The following LARP1B variants were observed in gnomAD, a reference collection of about 807,000 sequenced individuals.
LARP1B encodes the protein la-related protein 1B.
Under a neutral mutation model 114.2 loss-of-function variants are expected in LARP1B, and 76 were observed. The ratio of observed to expected loss-of-function variants is 0.67; its 90% CI spans 0.55 to 0.81. The LOEUF (loss-of-function observed/expected upper bound fraction) is 0.81, where lower values mean the gene tolerates loss of function less well. Among genes scored for constraint, LARP1B ranks in the 30% least tolerant of loss-of-function variants. LARP1B has a pLI of 0.00. For missense variants in LARP1B, 1,014 were observed against 1,075.8 expected (o/e 0.94, Z 0.80); for synonymous variants, 345 against 348.0 (o/e 0.99, Z 0.10).
intron 1 of LARP1B, among the ~76,000 whole-genome samples, chr4:128,070,903 G>T (rs1765034979): frequency 6.6e-6 from 1 of 151,896 alleles, no homozygotes; most frequent in Admixed American, 6.6e-5. Flanking sequence ...GTATCTAGAA[G>T]AAACTGAACA....
chr4:128,179,517 T>G lies in LARP1B; in HGVS notation c.2003+5T>G. On this transcript the variant is annotated splice_donor_5th_base_variant and intron_variant, in intron 15 of 19. Coordinates refer to ENST00000326639, the MANE Select transcript of LARP1B (RefSeq NM_018078.4). ...GCCAGGAACATCCTCTGTCAGGTACTATATTTCTCAAACATTACTTTTTTG... is the reference window on the plus strand; with the variant it reads ...GCCAGGAACATCCTCTGTCAGGTACGATATTTCTCAAACATTACTTTTTTG... The G allele has an allele frequency of 1.3e-6, 2 of 1,532,794 alleles. No homozygotes were observed. The highest frequency in any genetic ancestry group is 2.3e-5 in the East Asian group (1 of 43,316). The allele number at this position is 1,532,794 out of a possible 1,614,324, so 94.9% of individuals were successfully genotyped here.
At position 128,199,392 on chromosome 4, in the gene LARP1B, G is replaced by A. The variant is rs552915858; in HGVS notation, c.2004-47G>A. On this transcript the variant is annotated intron_variant, in intron 15 of 19. Coordinates refer to ENST00000326639, the MANE Select transcript of LARP1B (RefSeq NM_018078.4). ...TAGTACAAATTGGTTCATATACTTG[G>A]TTCTTGATTTTTCATTTTGAAGGCT... is the stretch of plus-strand genomic sequence containing the variant. 5.8e-5 allele frequency: 83 copies of A among 1,439,844 alleles called. 1 individual carries two copies. In the South Asian group the frequency reaches 1.2e-3, roughly 21 times the overall value. The allele number at this position is 1,439,844 out of a possible 1,614,324, so 89.2% of individuals were successfully genotyped here.
chr4:128,073,142 C>T (rs1177182148), intron 1 of LARP1B, among the ~76,000 whole-genome samples: 2 of 151,808 alleles, frequency 1.3e-5, no homozygotes, highest in South Asian at 2.1e-4. Flanking sequence ...GGCTGGGCGC[C>T]GTGGCTCATG....
downstream of LARP1B, among the ~76,000 whole-genome samples, chr4:128,216,916 AAAGAG>A (rs1759537151): frequency 3.9e-5 from 6 of 152,340 alleles, no homozygotes; most frequent in South Asian, 1.0e-3. Flanking sequence ...ATAAAGAAAA[AAAGAG>A]AAGAATCAAA....
intron 5 of LARP1B, among the ~76,000 whole-genome samples, chr4:128,090,617 TTTAC>T (rs1775566110): frequency 6.6e-6 from 1 of 152,234 alleles, no homozygotes; most frequent in East Asian, 1.9e-4. Context: ...AGGAATGTCA[TTTAC>T]TTAAATAGAA....
At chr4:128,169,702 T>C (rs899862284) in intron 12 of LARP1B, among the ~76,000 whole-genome samples, 22 of 152,162 alleles carry the variant, frequency 1.4e-4, no homozygotes, top group African/African-American at 4.3e-4. Flanking sequence ...AGTGGTACAA[T>C]CTCGGCTCAC....
chr4:128,187,600 C>A lies in LARP1B; in HGVS notation c.2003+8088C>A, dbSNP rs1750799126. 5.3e-5 allele frequency among the ~76,000 whole-genome samples: 8 copies of A among 152,132 alleles called. No homozygotes were observed. In the South Asian group the frequency reaches 1.5e-3, roughly 28 times the overall value. On this transcript the variant is annotated intron_variant, in intron 15 of 19. Transcript: ENST00000326639. The stretch of plus-strand genomic sequence containing the variant: ...GCCTTGTCTCAAATGAGACTTTGGA[C>A]TTTTGAGTTAATGCTAGAATGAGTT...
At chr4:128,136,749 C>G (rs974140359) in intron 11 of LARP1B, among the ~76,000 whole-genome samples, 1 of 152,104 alleles carries the variant, frequency 6.6e-6, no homozygotes, top group African/African-American at 2.4e-5. Flanking sequence ...TGGAATTAAA[C>G]TGGTGATTTT....
intron 15 of LARP1B, among the ~76,000 whole-genome samples, chr4:128,192,319 C>T (rs1191282948): frequency 6.6e-6 from 1 of 152,114 alleles, no homozygotes; most frequent in African/African-American, 2.4e-5. Flanking sequence ...ATTGAACCAG[C>T]AATATCTCTG....
chr4:128,102,450 C>G (rs753626607), intron 8 of LARP1B, among the ~76,000 whole-genome samples: 1 of 152,156 alleles, frequency 6.6e-6, no homozygotes, highest in South Asian at 2.1e-4. Context: ...TTGATAACTC[C>G]TTTATCTTCA....
intron 10 of LARP1B, among the ~76,000 whole-genome samples, chr4:128,115,188 G>A (rs893005935): frequency 3.0e-4 from 46 of 152,178 alleles, no homozygotes; most frequent in African/African-American, 8.9e-4. Context: ...CGCCCGCCTC[G>A]TCCTCCCAAA....
intron 3 of LARP1B, among the ~76,000 whole-genome samples, chr4:128,075,249 G>A (rs899924842): frequency 3.3e-5 from 5 of 151,624 alleles, no homozygotes; most frequent in Non-Finnish European, 7.4e-5. Flanking sequence ...CTACAGGCAC[G>A]CACCACTGTG....
At chr4:128,134,948 T>A (rs1293102337) in intron 11 of LARP1B, among the ~76,000 whole-genome samples, 1 of 151,736 alleles carries the variant, frequency 6.6e-6, no homozygotes, top group African/African-American at 2.4e-5. Flanking sequence ...CTACTAAAAA[T>A]ACAAAAAATT....
At chr4:128,138,614 A>C (rs1726499041) in intron 11 of LARP1B, among the ~76,000 whole-genome samples, 1 of 152,146 alleles carries the variant, frequency 6.6e-6, no homozygotes, top group South Asian at 2.1e-4. Flanking sequence ...GTACATAAGA[A>C]ATTAGAATTC....
At chr4:128,176,154 TATATAA>T (rs1032249918) in intron 12 of LARP1B, among the ~76,000 whole-genome samples, 1 of 130,814 alleles carries the variant, frequency 7.6e-6, no homozygotes, top group African/African-American at 2.8e-5. Context: ...TTATATTATA[TATATAA>T]ATATATATAT....
intron 11 of LARP1B, among the ~76,000 whole-genome samples, chr4:128,139,097 C>T (rs1726755771): frequency 6.6e-6 from 1 of 151,868 alleles, no homozygotes; most frequent in South Asian, 2.1e-4. Context: ...AGGAAATTCA[C>T]ATTAACGGAT....
upstream of LARP1B, among the ~76,000 whole-genome samples, chr4:128,060,802 G>C (rs916244051): frequency 6.6e-6 from 1 of 152,230 alleles, no homozygotes; most frequent in Admixed American, 6.5e-5. Flanking sequence ...TTTCACCTGG[G>C]GGAGGCGCCG....
rs1755624016 is a variant in LARP1B at position 128,200,556 on chromosome 4, A to G, written c.2200A>G (p.Met734Val). The G allele has an allele frequency of 1.9e-6, 3 of 1,583,728 alleles. No homozygotes were observed. The highest frequency in any genetic ancestry group is 1.8e-5 in the Admixed American group (1 of 55,806). ...CTTGGGAATTGGTCAGTCCCAAGAA[A>G]TGAATACCCTCTTTCGTTTCTGGTC... ...KRLGIGQSQEMNTLFRFWSFF... is the reference protein window; with the variant it reads ...KRLGIGQSQEVNTLFRFWSFF... Residue 734 changes from methionine (M) to valine (V), a missense_variant, in exon 17 of 20, where the codon ATG becomes GTG. Met to Val is a conservative substitution (Grantham distance 21). Transcript: ENST00000326639.
At chr4:128,151,904 A>G (rs1188003446) in intron 11 of LARP1B, among the ~76,000 whole-genome samples, 2 of 152,054 alleles carry the variant, frequency 1.3e-5, no homozygotes, top group Non-Finnish European at 2.9e-5. Context: ...GCGCCCAGCC[A>G]GGTTAAGTAT....
Sources: allele counts gnomAD v4.1 joint callset (sites outside exome capture counted in the v4.1 genomes callset), GRCh38; gene constraint gnomAD v4.1.1; transcripts MANE v1.5; gene names NCBI Gene and HGNC (gene_info 2026-07-23, HGNC 2026-07-21).